The following MSH4 variants were observed in gnomAD, a reference collection of about 807,000 sequenced individuals.
MSH4 encodes the protein mutS homolog 4.
Under a neutral mutation model 113.7 loss-of-function variants are expected in MSH4, and 106 were observed. The ratio of observed to expected loss-of-function variants is 0.93; its 90% CI spans 0.80 to 1.10. MSH4 has a LOEUF of 1.10. MSH4 is among the 50% of genes least tolerant of loss of function. The probability of loss-of-function intolerance (pLI) is 0.00; values close to 1 mark genes in which losing one functional copy is unlikely to be tolerated. For missense variants in MSH4, 1,061 were observed against 1,093.7 expected (o/e 0.97, Z 0.42); for synonymous variants, 368 against 380.2 (o/e 0.97, Z 0.37).
At chr1:75,875,041 C>T (rs12071623) in intron 9 of MSH4, among the ~76,000 whole-genome samples, 28,885 of 152,118 alleles carry the variant, frequency 0.19, 3,000 homozygotes, top group Middle Eastern at 0.26. Context: ...CACAGGCACG[C>T]ACCACCATGC....
chr1:75,873,295 A>G (rs1651752203), intron 9 of MSH4, among the ~76,000 whole-genome samples: 1 of 152,198 alleles, frequency 6.6e-6, no homozygotes, highest in African/African-American at 2.4e-5. Flanking sequence ...ATCAAAAATA[A>G]TGTTTATGCC....
intron 7 of MSH4, 150 bp from the exon 8 acceptor site, chr1:75,848,059 A>G (rs907986974): frequency 2.5e-5 from 13 of 513,172 alleles, no homozygotes; most frequent in Non-Finnish European, 4.1e-5. Flanking sequence ...AGTTATATTC[A>G]TTTTACATGT....
Position 75,797,060 on chromosome 1 carries a change from A to G in MSH4, c.75A>G (p.Ser25=). The G allele has an allele frequency of 6.2e-7, 1 of 1,613,976 alleles. No homozygotes were observed. Among genetic ancestry groups the G allele is most frequent in the South Asian group, 1.1e-5 (1 of 91,074 alleles). ...CCCCGTCGTCGGGAGAAACCCGCTCACCTCAGGGTCCCCGCTACAATTTCG... is the reference window on the plus strand; with the variant it reads ...CCCCGTCGTCGGGAGAAACCCGCTCGCCTCAGGGTCCCCGCTACAATTTCG... ...AVSPSSGETR[S]PQGPRYNFGL... The change falls in exon 1 of 20, where the codon TCA becomes TCG. Residue 25 remains serine (S), a synonymous_variant. Transcript: ENST00000263187.
At chr1:75,809,848 A>G (rs1438355032) in intron 3 of MSH4, among the ~76,000 whole-genome samples, 1 of 151,896 alleles carries the variant, frequency 6.6e-6, no homozygotes, top group Non-Finnish European at 1.5e-5. Flanking sequence ...ACAGGGTTTC[A>G]CCATGTTGGC....
chr1:75,815,737 C>T (rs914370015), intron 5 of MSH4, among the ~76,000 whole-genome samples: 7 of 152,038 alleles, frequency 4.6e-5, no homozygotes, highest in Non-Finnish European at 8.8e-5. Flanking sequence ...GTTAAAGTAC[C>T]GGATTTTTCC....
chr1:75,872,956 T>A (rs1309269290), intron 9 of MSH4, among the ~76,000 whole-genome samples: 1 of 152,184 alleles, frequency 6.6e-6, no homozygotes, highest in Non-Finnish European at 1.5e-5. Flanking sequence ...CTACAGCTGA[T>A]GAAGCAGCCC....
intron 19 of MSH4, among the ~76,000 whole-genome samples, chr1:75,900,520 T>C (rs1458915961): frequency 1.3e-5 from 2 of 152,110 alleles, no homozygotes; most frequent in Non-Finnish European, 2.9e-5. Context: ...TTGGCCAGGT[T>C]GGTCTCGAAC....
intron 17 of MSH4, among the ~76,000 whole-genome samples, chr1:75,895,649 T>C (rs1021583114): frequency 5.3e-5 from 8 of 152,216 alleles, no homozygotes; most frequent in African/African-American, 1.9e-4. Context: ...TCTTATAATG[T>C]AACATAAGAT....
rs536826322 is a variant in MSH4 at position 75,878,047 on chromosome 1, T to A, written c.1371-102T>A. 4.7e-6 allele frequency: 4 copies of A among 854,328 alleles called. No individual in the cohort carries two copies. In the South Asian group the frequency reaches 7.4e-5, roughly 16 times the overall value. 52.9% of individuals were successfully genotyped at this position (854,328 alleles called of 1,614,324 possible). A position where few individuals can be genotyped will look rare whatever the true frequency, so the allele number is the denominator to read the frequency against. On this transcript the variant is annotated intron_variant, in intron 10 of 19. Transcript: ENST00000263187. ...GCTTAATTAGTTATTTCAAAATAAC[T>A]TTCAACAAAAATTTGCTATCATCAA...
intron 7 of MSH4, among the ~76,000 whole-genome samples, chr1:75,827,391 A>C (rs1467119607): frequency 6.6e-6 from 1 of 152,136 alleles, no homozygotes; most frequent in Non-Finnish European, 1.5e-5. Flanking sequence ...ATACACCATA[A>C]TATAAACACC....
At chr1:75,850,236 G>A (rs1651157387) in intron 8 of MSH4, among the ~76,000 whole-genome samples, 1 of 152,024 alleles carries the variant, frequency 6.6e-6, no homozygotes, top group South Asian at 2.1e-4. Context: ...TTGTAAAGGA[G>A]GAAGCTGAGG....
chr1:75,878,865 C>A, intron 11 of MSH4, 127 bp from the exon 12 acceptor site: 7 of 700,166 alleles, frequency 1.0e-5, no homozygotes, highest in East Asian at 3.5e-5. Context: ...GAAAGAGCAA[C>A]AAGACCTCCT....
At chr1:75,862,240 C>T (rs553586887) in intron 8 of MSH4, among the ~76,000 whole-genome samples, 112 of 152,258 alleles carry the variant, frequency 7.4e-4, no homozygotes, top group African/African-American at 2.4e-3. Flanking sequence ...TTGTGCTTTC[C>T]GGGTGAGGTG....
At chr1:75,845,728 G>T (rs566213898) in intron 7 of MSH4, among the ~76,000 whole-genome samples, 1 of 152,186 alleles carries the variant, frequency 6.6e-6, no homozygotes, top group African/African-American at 2.4e-5. Context: ...GGGAGGTAGG[G>T]GGTGATTACC....
intron 7 of MSH4, among the ~76,000 whole-genome samples, chr1:75,840,695 A>ATAAAG (rs1389658476): frequency 6.7e-6 from 1 of 148,472 alleles, no homozygotes; most frequent in Non-Finnish European, 1.5e-5. Flanking sequence ...ATAAAATAAA[A>ATAAAG]TAAAATATAA....
intron 3 of MSH4, among the ~76,000 whole-genome samples, chr1:75,808,186 T>A (rs951591753): frequency 6.6e-6 from 1 of 152,212 alleles, no homozygotes; most frequent in African/African-American, 2.4e-5. Context: ...TCAAAAGACT[T>A]AGGTTGTCCC....
intron 15 of MSH4, among the ~76,000 whole-genome samples, chr1:75,888,138 C>A (rs1168240593): frequency 1.3e-5 from 2 of 151,062 alleles, no homozygotes; most frequent in South Asian, 2.1e-4. Context: ...CTTTTGGTTT[C>A]TTTTCTTGCT....
chr1:75,825,230 G>A (rs2100523909), intron 7 of MSH4, among the ~76,000 whole-genome samples: 1 of 152,198 alleles, frequency 6.6e-6, no homozygotes, highest in Middle Eastern at 3.4e-3. Flanking sequence ...TAGCGGTTGT[G>A]AATGGGAGTT....
intron 17 of MSH4, among the ~76,000 whole-genome samples, chr1:75,894,427 C>A (rs1652328035): frequency 6.6e-6 from 1 of 152,228 alleles, no homozygotes; most frequent in Non-Finnish European, 1.5e-5. Flanking sequence ...AGCCTGCAGT[C>A]ACCAAGACTG....
Sources: allele counts gnomAD v4.1 joint callset (sites outside exome capture counted in the v4.1 genomes callset), GRCh38; gene constraint gnomAD v4.1.1; transcripts MANE v1.5; gene names NCBI Gene and HGNC (gene_info 2026-07-23, HGNC 2026-07-21).